The following ACTR3B variants were observed in gnomAD, a reference collection of about 807,000 sequenced individuals.
ACTR3B encodes the protein actin-related protein 3B.
In ACTR3B, 8 loss-of-function variants were observed where a neutral mutation model predicts 59.0. That is an observed-to-expected ratio of 0.14 (90% confidence interval 0.08 to 0.24). The LOEUF is 0.24. Ranked by LOEUF, ACTR3B falls within the 10% of genes least tolerant of loss-of-function variation. ACTR3B has a pLI of 1.00. For synonymous variants in ACTR3B, 148 were observed against 197.9 expected (o/e 0.75, Z 2.12); for missense variants, 245 against 552.3 (o/e 0.44, Z 5.58).
chr7:152,851,860 G>C (rs1362264694), intron 9 of ACTR3B, among the ~76,000 whole-genome samples: 1 of 152,140 alleles, frequency 6.6e-6, no homozygotes, highest in Non-Finnish European at 1.5e-5. Context: ...TTGGCAGGGG[G>C]AGCATGAGGG....
chr7:152,760,146 G>A (rs1232433859), intron 1 of ACTR3B, among the ~76,000 whole-genome samples: 3 of 152,176 alleles, frequency 2.0e-5, no homozygotes, highest in Non-Finnish European at 4.4e-5. Context: ...GGAAAAGCAC[G>A]GAGGGTAGGG....
chr7:152,780,338 G>C (rs1430094089), intron 1 of ACTR3B, among the ~76,000 whole-genome samples: 3 of 107,534 alleles, frequency 2.8e-5, no homozygotes, highest in Non-Finnish European at 5.7e-5. Flanking sequence ...GCTCGAAAGA[G>C]CGAAACTCTG....
At chr7:152,811,839 G>A (rs1168628556) in intron 4 of ACTR3B, 1 of 148,964 alleles carries the variant, frequency 6.7e-6, no homozygotes, top group African/African-American at 2.4e-5. Flanking sequence ...ATAACTTTAT[G>A]TTTACTAATG....
chr7:152,814,716 A>G, intron 5 of ACTR3B, 71 bp downstream of exon 5: 3 of 1,290,816 alleles, frequency 2.3e-6, no homozygotes, highest in Non-Finnish European at 3.3e-6. Flanking sequence ...GGTATTTCCC[A>G]AGGTTCTCCG....
rs1796391806 is a variant in ACTR3B, at chr7:152,824,112, A to G, written c.858+597A>G. On this transcript the variant is annotated intron_variant, in intron 8 of 11. Coordinates refer to ENST00000256001, the MANE Select transcript of ACTR3B (RefSeq NM_020445.6). The surrounding 1 kb of genome is among the most constrained non-coding windows in gnomAD (Gnocchi z 4.2). ...TTAAGAGGCACATTTTAAGATTTAC[A>G]TATAATGCATTTTATTTATATTTTG... Among the ~76,000 whole-genome samples the G allele has an allele frequency of 2.0e-5, 3 of 152,380 alleles. 1 individual carries two copies. Among genetic ancestry groups the G allele is most frequent in the Middle Eastern group, 6.8e-3 (2 of 294 alleles).
At chr7:152,786,555 A>G (rs1214086579) in intron 2 of ACTR3B, 23 of 128,728 alleles carry the variant, frequency 1.8e-4, no homozygotes, top group Non-Finnish European at 1.6e-5. Context: ...TCCGTCTCGA[A>G]AAAAAAAAAA....
At chr7:152,804,424 AGAG>A (rs936770722) in intron 4 of ACTR3B, among the ~76,000 whole-genome samples, 2 of 151,950 alleles carry the variant, frequency 1.3e-5, no homozygotes, top group Admixed American at 1.3e-4. Flanking sequence ...GAGTGTGGAG[AGAG>A]GAGGTCAGGC....
rs1224972056 is a variant in ACTR3B at position 152,800,513 on chromosome 7, G to T, written c.101-18G>T. ...TATGGATAGTGATAGAAATCTGTGT[G>T]TGTGTGTTTTTTTTAAGGTATTGCC... On this transcript the variant is annotated intron_variant, in intron 2 of 11. Coordinates refer to ENST00000256001, the MANE Select transcript of ACTR3B (RefSeq NM_020445.6). 6.2e-7 allele frequency: 1 copy of T among 1,612,422 alleles called. No individual in the cohort carries two copies. The highest frequency in any genetic ancestry group is 8.5e-7 in the Non-Finnish European group (1 of 1,179,246).
At chr7:152,829,705 C>T (rs769112502) in intron 9 of ACTR3B, among the ~76,000 whole-genome samples, 50 of 152,106 alleles carry the variant, frequency 3.3e-4, no homozygotes, top group Non-Finnish European at 6.2e-4. Flanking sequence ...TGGGTGGAGC[C>T]TGGACACCTG....
chr7:152,813,563 T>G (rs1173962561), intron 4 of ACTR3B: 2 of 152,200 alleles, frequency 1.3e-5, no homozygotes, highest in Non-Finnish European at 2.9e-5. Flanking sequence ...GACAGGATCT[T>G]GCTCTGTCAC....
rs570583138 is a variant in ACTR3B at position 152,854,086 on chromosome 7, A to G, written c.1162-372A>G. Among the ~76,000 whole-genome samples the G allele has an allele frequency of 6.6e-6, 1 of 152,286 alleles. No homozygotes were observed. Among genetic ancestry groups the G allele is most frequent in the South Asian group, 2.1e-4 (1 of 4,820 alleles). On this transcript the variant is annotated intron_variant, in intron 11 of 11. Coordinates refer to ENST00000256001, the MANE Select transcript of ACTR3B (RefSeq NM_020445.6). This position sits in a 1 kb window ranked among gnomAD's most constrained non-coding sequence, Gnocchi z 4.9. ...CATTTATCACGTGTCCTTGCTAATT[A>G]GGGGTTACAGAAAACATGGTAAGTG...
At chr7:152,847,702 G>A (rs1563157194) in intron 9 of ACTR3B, among the ~76,000 whole-genome samples, 1 of 152,204 alleles carries the variant, frequency 6.6e-6, no homozygotes, top group African/African-American at 2.4e-5. Flanking sequence ...TTCTGTGGTC[G>A]CACCTAGCTG....
chr7:152,781,273 T>C (rs2098152838), intron 1 of ACTR3B, among the ~76,000 whole-genome samples: 1 of 147,076 alleles, frequency 6.8e-6, no homozygotes, highest in Admixed American at 7.0e-5. Flanking sequence ...TTGTAGGAGA[T>C]GATATCTGTG....
Position 152,790,312 on chromosome 7 carries a change from T to A in ACTR3B, c.100+7070T>A, listed in dbSNP as rs1260555301. 2.6e-5 allele frequency among the ~76,000 whole-genome samples: 4 copies of A among 152,326 alleles called. No individual in the cohort carries two copies. In the East Asian group the frequency reaches 7.7e-4, roughly 29 times the overall value. ...CTACTCTTAATAGGAGGAGTTACTT[T>A]AATACATTTTCGAATATTGAACAGT... On this transcript the variant is annotated intron_variant, in intron 2 of 11. Transcript: ENST00000256001.
intron 9 of ACTR3B, among the ~76,000 whole-genome samples, chr7:152,832,937 A>T (rs1287686412): frequency 9.9e-5 from 15 of 152,240 alleles, no homozygotes; most frequent in Non-Finnish European, 8.8e-5. Flanking sequence ...GTGTCTGGTT[A>T]AATCACTGGG....
chr7:152,803,863 G>A (rs867480149), intron 4 of ACTR3B, among the ~76,000 whole-genome samples: 3 of 152,298 alleles, frequency 2.0e-5, no homozygotes, highest in African/African-American at 7.2e-5. Flanking sequence ...AAGTCATTCT[G>A]TTGCATGTTG....
intron 4 of ACTR3B, chr7:152,812,762 A>G (rs1422810663): frequency 6.7e-6 from 1 of 148,742 alleles, no homozygotes; most frequent in Non-Finnish European, 1.5e-5. Flanking sequence ...TATGTGTCCT[A>G]GTGTTAAATG....
chr7:152,804,446 C>A (rs2098246086), intron 4 of ACTR3B, among the ~76,000 whole-genome samples: 1 of 151,966 alleles, frequency 6.6e-6, no homozygotes, highest in Non-Finnish European at 1.5e-5. Context: ...GCAGCCTTTG[C>A]GCAGTGTAGA....
intron 4 of ACTR3B, chr7:152,811,561 A>G (rs1795239349): frequency 6.6e-6 from 1 of 152,182 alleles, no homozygotes; most frequent in Admixed American, 6.5e-5. Context: ...TATTTTATTT[A>G]TGTATTAGTA....
Sources: gnomAD v4.1 joint callset for allele counts (sites outside exome capture counted in the v4.1 genomes callset) on GRCh38, gnomAD v4.1.1 for gene constraint, Gnocchi (gnomAD v3.1) non-coding constraint, MANE v1.5 for transcripts, NCBI Gene and HGNC (gene_info 2026-07-23, HGNC 2026-07-21) for gene names.